Variants in OPCML observed in about 807,000 individuals in gnomAD.
The protein encoded by OPCML is opioid-binding protein/cell adhesion molecule.
OPCML carries 13 observed loss-of-function variants against 37.8 expected under a neutral mutation model. The ratio of observed to expected loss-of-function variants is 0.34; its 90% CI spans 0.22 to 0.55. The LOEUF is 0.55. Ranked by LOEUF, OPCML falls within the 20% of genes least tolerant of loss-of-function variation. The probability of loss-of-function intolerance (pLI) is 0.91; values close to 1 mark genes in which losing one functional copy is unlikely to be tolerated. For missense variants in OPCML, 341 were observed against 435.6 expected (o/e 0.78, Z 1.93); for synonymous variants, 176 against 168.8 (o/e 1.04, Z -0.33).
At chr11:133,200,630 C>T (rs1274839503) in intron 1 of OPCML, among the ~76,000 whole-genome samples, 1 of 152,142 alleles carries the variant, frequency 6.6e-6, no homozygotes, top group Non-Finnish European at 1.5e-5. Context: ...TATAGATACA[C>T]TGATATTTTT....
chr11:133,287,608 G>C (rs1369136258), intron 1 of OPCML, among the ~76,000 whole-genome samples: 1 of 151,836 alleles, frequency 6.6e-6, no homozygotes, highest in Non-Finnish European at 1.5e-5. Flanking sequence ...CCAGTGTATA[G>C]AGGAGGCATG....
At chr11:132,601,146 T>A (rs1937861069) in intron 3 of OPCML, among the ~76,000 whole-genome samples, 2 of 152,100 alleles carry the variant, frequency 1.3e-5, no homozygotes, top group Non-Finnish European at 2.9e-5. Context: ...AAACAAAAAA[T>A]TCTGTAGCAC....
intron 2 of OPCML, among the ~76,000 whole-genome samples, chr11:132,899,603 G>A (rs1307968401): frequency 6.6e-6 from 1 of 152,118 alleles, no homozygotes; most frequent in Non-Finnish European, 1.5e-5. Flanking sequence ...TGACAAAGGT[G>A]GACCTGTGAT....
At chr11:132,789,159 C>T (rs1937726536) in intron 2 of OPCML, among the ~76,000 whole-genome samples, 1 of 152,188 alleles carries the variant, frequency 6.6e-6, no homozygotes, top group African/African-American at 2.4e-5. Flanking sequence ...ATTAGGCTTT[C>T]CTCTTGCCAT....
intron 1 of OPCML, among the ~76,000 whole-genome samples, chr11:132,986,990 C>T (rs913294953): frequency 2.6e-5 from 4 of 152,272 alleles, no homozygotes; most frequent in Non-Finnish European, 4.4e-5. Flanking sequence ...TGAGACGATG[C>T]GAATGTGGGA....
chr11:132,868,633 T>C (rs769997098), intron 2 of OPCML, among the ~76,000 whole-genome samples: 1 of 152,080 alleles, frequency 6.6e-6, no homozygotes, highest in Non-Finnish European at 1.5e-5. Context: ...CCAAATTTCT[T>C]TAGGGAAGAC....
intron 1 of OPCML, among the ~76,000 whole-genome samples, chr11:133,515,897 G>T (rs897519807): frequency 6.6e-6 from 1 of 151,430 alleles, no homozygotes; most frequent in Non-Finnish European, 1.5e-5. Flanking sequence ...TCCTCACAGC[G>T]CCATGAGTGA....
At chr11:132,456,527 AG>A (rs2096083328) in intron 4 of OPCML, among the ~76,000 whole-genome samples, 1 of 152,204 alleles carries the variant, frequency 6.6e-6, no homozygotes, top group Admixed American at 6.5e-5. Context: ...CAGCAGCAAT[AG>A]AAAATAGCTG....
intron 1 of OPCML, among the ~76,000 whole-genome samples, chr11:133,202,339 C>A (rs944284574): frequency 6.6e-6 from 1 of 152,136 alleles, no homozygotes; most frequent in African/African-American, 2.4e-5. Flanking sequence ...TCAGCTGGGG[C>A]GATTATTCCT....
chr11:132,907,349 C>A (rs1316884575), intron 2 of OPCML, among the ~76,000 whole-genome samples: 1 of 152,128 alleles, frequency 6.6e-6, no homozygotes, highest in African/African-American at 2.4e-5. Context: ...TGTCCTTTGT[C>A]TGCTTCAAGA....
chr11:133,100,149 G>A (rs1949064985), intron 1 of OPCML, among the ~76,000 whole-genome samples: 1 of 152,162 alleles, frequency 6.6e-6, no homozygotes, highest in East Asian at 1.9e-4. Context: ...GATGGGACGA[G>A]ACACCTGAGT....
chr11:132,712,993 C>T (rs965758174), intron 2 of OPCML, among the ~76,000 whole-genome samples: 10 of 152,212 alleles, frequency 6.6e-5, no homozygotes, highest in Admixed American at 2.0e-4. Flanking sequence ...CTCTGCTAGC[C>T]AGGGTGGGCT....
chr11:132,664,678 T>C (rs989079429), intron 2 of OPCML, among the ~76,000 whole-genome samples: 2 of 152,206 alleles, frequency 1.3e-5, no homozygotes, highest in African/African-American at 2.4e-5. Flanking sequence ...CAAGGTATTC[T>C]AAATTGCAAA....
At chr11:132,888,503 C>A (rs538989809) in intron 2 of OPCML, among the ~76,000 whole-genome samples, 8 of 152,178 alleles carry the variant, frequency 5.3e-5, no homozygotes, top group Non-Finnish European at 1.5e-5. Flanking sequence ...TTTCTCCCCC[C>A]ACGCATCTGC....
At chr11:133,367,559 C>T (rs1000928121) in intron 1 of OPCML, among the ~76,000 whole-genome samples, 1 of 152,124 alleles carries the variant, frequency 6.6e-6, no homozygotes, top group Admixed American at 6.5e-5. Flanking sequence ...TTTACCTTTG[C>T]CAAAAGCCAC....
intron 1 of OPCML, among the ~76,000 whole-genome samples, chr11:133,453,510 T>C (rs751247808): frequency 1.3e-5 from 2 of 152,230 alleles, no homozygotes; most frequent in Non-Finnish European, 2.9e-5. Flanking sequence ...ATGCCAAAAA[T>C]GAAGACAAGC....
chr11:133,372,317 A>G (rs1944693230), intron 1 of OPCML, among the ~76,000 whole-genome samples: 1 of 152,210 alleles, frequency 6.6e-6, no homozygotes, highest in African/African-American at 2.4e-5. Flanking sequence ...TGATGTATCA[A>G]TGAAAAAGTC....
intron 1 of OPCML, among the ~76,000 whole-genome samples, chr11:133,283,336 C>T (rs369754565): frequency 2.0e-5 from 3 of 151,962 alleles, no homozygotes; most frequent in Admixed American, 6.6e-5. Flanking sequence ...TTACCAACCA[C>T]GATATTTGGC....
At chr11:132,739,172 A>T (rs991777117) in intron 2 of OPCML, among the ~76,000 whole-genome samples, 31 of 152,220 alleles carry the variant, frequency 2.0e-4, no homozygotes, top group Non-Finnish European at 3.2e-4. Flanking sequence ...ACAGTTTGTC[A>T]CCCCAAAAAG....
Sources: gnomAD v4.1 joint callset for allele counts (sites outside exome capture counted in the v4.1 genomes callset) on GRCh38, gnomAD v4.1.1 for gene constraint, MANE v1.5 for transcripts, NCBI Gene and HGNC (gene_info 2026-07-23, HGNC 2026-07-21) for gene names.